LCA5L: variants seen among roughly 807,000 people sequenced by gnomAD.
LCA5L encodes the protein lebercilin-like protein.
Under a neutral mutation model 45.4 loss-of-function variants are expected in LCA5L, and 35 were observed. The observed-to-expected ratio is 0.77, with a 90% CI of 0.59 to 1.02. The LOEUF is 1.02. Among genes scored for constraint, LCA5L ranks in the 50% least tolerant of loss-of-function variants. The pLI is 0.00. For synonymous variants in LCA5L, 233 were observed against 264.7 expected (o/e 0.88, Z 1.16); for missense variants, 668 against 761.6 (o/e 0.88, Z 1.45).
intron 7 of LCA5L, among the ~76,000 whole-genome samples, chr21:39,413,350 G>C (rs2040444123): frequency 6.6e-6 from 1 of 152,186 alleles, no homozygotes; most frequent in African/African-American, 2.4e-5. Flanking sequence ...GCATAAGACT[G>C]TTTTGAGTTA....
intron 3 of LCA5L, among the ~76,000 whole-genome samples, chr21:39,431,763 G>A (rs1186847440): frequency 2.0e-5 from 3 of 152,072 alleles, no homozygotes; most frequent in East Asian, 3.9e-4. Context: ...TGATCTGCCC[G>A]CCTCGGGCTC....
intron 3 of LCA5L, among the ~76,000 whole-genome samples, chr21:39,433,868 G>T (rs539633270): frequency 3.5e-4 from 51 of 144,890 alleles, no homozygotes; most frequent in African/African-American, 1.2e-3. Context: ...GGGTTCAAGT[G>T]ATCCTCCCTC....
chr21:39,424,376 G>A (rs1380613565), intron 5 of LCA5L, among the ~76,000 whole-genome samples: 4 of 152,132 alleles, frequency 2.6e-5, no homozygotes, highest in African/African-American at 7.2e-5. Context: ...AGCTCCTCAG[G>A]AAGCCTTGGC....
At chr21:39,412,547 T>C (rs2040276437) in intron 7 of LCA5L, among the ~76,000 whole-genome samples, 2 of 151,794 alleles carry the variant, frequency 1.3e-5, no homozygotes, top group Admixed American at 1.3e-4. Flanking sequence ...TGGGCATATA[T>C]GAAGTAAGGA....
chr21:39,420,582 A>T, intron 7 of LCA5L, 124 bp downstream of exon 7: 1 of 583,348 alleles, frequency 1.7e-6, no homozygotes, highest in South Asian at 4.1e-5. Context: ...CCCCCTACAA[A>T]GGGTAGAGGA....
chr21:39,440,504 C>G (rs566357068), intron 2 of LCA5L, among the ~76,000 whole-genome samples: 1 of 152,224 alleles, frequency 6.6e-6, no homozygotes, highest in East Asian at 1.9e-4. Flanking sequence ...CAACACTGCA[C>G]TCCAGCCCGG....
At chr21:39,433,927 C>CTTTT (rs10574659) in intron 3 of LCA5L, among the ~76,000 whole-genome samples, 19 of 95,822 alleles carry the variant, frequency 2.0e-4, no homozygotes, top group Admixed American at 3.7e-4. Flanking sequence ...CCACATCCAG[C>CTTTT]TTTTTTTTTT....
chr21:39,435,943 C>T (rs574283434), intron 2 of LCA5L, among the ~76,000 whole-genome samples: 9 of 152,218 alleles, frequency 5.9e-5, no homozygotes, highest in South Asian at 4.1e-4. Context: ...TGGCCACAGG[C>T]GGCTTTTTCT....
intron 7 of LCA5L, among the ~76,000 whole-genome samples, chr21:39,418,635 G>T (rs1173147219): frequency 6.6e-6 from 1 of 152,074 alleles, no homozygotes; most frequent in Non-Finnish European, 1.5e-5. Flanking sequence ...CAAGTAATGG[G>T]ATTACAGGCA....
At chr21:39,440,970 T>C (rs1272885388) in intron 2 of LCA5L, among the ~76,000 whole-genome samples, 1 of 152,238 alleles carries the variant, frequency 6.6e-6, no homozygotes, top group Non-Finnish European at 1.5e-5. Flanking sequence ...TATCTACTTT[T>C]ATGTGTCCCA....
At position 39,428,485 on chromosome 21, in the gene LCA5L, C is replaced by T; in HGVS notation, c.9G>A (p.Leu3=). 1 of 1,570,322 alleles carries T rather than the reference C, an allele frequency of 6.4e-7. No individual in the cohort carries two copies. The change falls in exon 5 of 11, where the codon TTG becomes TTA. Residue 3 remains leucine, a synonymous_variant. Coordinates refer to ENST00000288350, the MANE Select transcript of LCA5L (RefSeq NM_152505.4). ...CTATATTTGTTTTTGTTAGATCAGC[C>T]AAAGACATAGCAAACAACCTAATAA... is the stretch of plus-strand genomic sequence containing the variant. MS[L]ADLTKTNIDE...
intron 3 of LCA5L, chr21:39,429,417 A>C (rs1181428474): frequency 6.6e-6 from 1 of 152,238 alleles, no homozygotes; most frequent in Non-Finnish European, 1.5e-5. Flanking sequence ...AAATGATCTT[A>C]GTAATAATTA....
At chr21:39,426,548 T>C (rs1257714614) in intron 5 of LCA5L, among the ~76,000 whole-genome samples, 1 of 152,222 alleles carries the variant, frequency 6.6e-6, no homozygotes, top group Non-Finnish European at 1.5e-5. Flanking sequence ...AGTTCTCTCA[T>C]TGGGGTCTGG....
intron 7 of LCA5L, among the ~76,000 whole-genome samples, chr21:39,412,038 T>G (rs1817946040): frequency 6.6e-6 from 1 of 152,212 alleles, no homozygotes; most frequent in East Asian, 1.9e-4. Context: ...GCCTTGCAGG[T>G]CAGCTTGTCC....
chr21:39,444,930 G>A (rs865823988), intron 1 of LCA5L, among the ~76,000 whole-genome samples: 17 of 152,130 alleles, frequency 1.1e-4, no homozygotes, highest in Admixed American at 4.6e-4. Flanking sequence ...GTAGGGATGT[G>A]GCAGGCAGCT....
rs1055255760 is a variant in LCA5L at position 39,435,463 on chromosome 21, C to G, written c.-135G>C. 2 of 152,160 alleles carry G rather than the reference C, an allele frequency of 1.3e-5. No homozygotes were observed. 9.4% of individuals were successfully genotyped at this position (152,160 alleles called of 1,614,324 possible). A position where few individuals can be genotyped will look rare whatever the true frequency, so the allele number is the denominator to read the frequency against. ...CTTCCCTAAGATGTCTGATGATAAA[C>G]TGAAGATAAGCACAGGGTTCTTCAC... On this transcript the variant is annotated 5_prime_UTR_variant, in exon 3 of 11. Transcript: ENST00000288350.
intron 7 of LCA5L, among the ~76,000 whole-genome samples, chr21:39,418,487 T>C (rs1478532597): frequency 6.6e-6 from 1 of 152,126 alleles, no homozygotes; most frequent in Non-Finnish European, 1.5e-5. Flanking sequence ...TTAAAAATGG[T>C]TATTTTTATT....
Position 39,406,532 on chromosome 21 carries a change from G to C in LCA5L, c.1363C>G (p.Gln455Glu). Residue 455 changes from glutamine to glutamate, a missense_variant, in exon 11 of 11, where the codon CAA (glutamine) becomes GAA (glutamate). Coordinates refer to ENST00000288350, the MANE Select transcript of LCA5L (RefSeq NM_152505.4). ...TTCACAAAAATGTTTTTCTTTTCTT[G>C]GTCTTCTTTTTTGTCTTTTTGTCTT... is the stretch of plus-strand genomic sequence containing the variant. The part of the protein sequence containing the change: ...TGRQKDKKED[Q>E]EKKNIFVKEE... 6.2e-7 allele frequency: 1 copy of C among 1,612,138 alleles called. No individual in the cohort carries two copies. Among genetic ancestry groups the C allele is most frequent in the African/African-American group, 1.3e-5 (1 of 74,768 alleles).
intron 7 of LCA5L, among the ~76,000 whole-genome samples, chr21:39,417,982 T>G (rs530416720): frequency 3.2e-4 from 48 of 152,244 alleles, no homozygotes; most frequent in South Asian, 2.7e-3. Flanking sequence ...TTGCCAGGAT[T>G]GTCTCCATCT....
Sources: allele counts gnomAD v4.1 joint callset (sites outside exome capture counted in the v4.1 genomes callset), GRCh38; gene constraint gnomAD v4.1.1; transcripts MANE v1.5; gene names NCBI Gene and HGNC (gene_info 2026-07-23, HGNC 2026-07-21).